Variants in FLI1 observed in about 807,000 individuals in gnomAD.
FLI1 encodes the protein Friend leukemia integration 1 transcription factor.
FLI1 carries 13 observed loss-of-function variants against 53.1 expected under a neutral mutation model. That is an observed-to-expected ratio of 0.24 (90% CI 0.16 to 0.39). The LOEUF (loss-of-function observed/expected upper bound fraction) is 0.39, where lower values mean the gene tolerates loss of function less well. Among genes scored for constraint, FLI1 ranks in the 10% least tolerant of loss-of-function variants. The probability of loss-of-function intolerance (pLI) is 1.00; values close to 1 mark genes in which losing one functional copy is unlikely to be tolerated. For synonymous variants in FLI1, 244 were observed against 236.7 expected (o/e 1.03, Z -0.28); for missense variants, 424 against 600.5 (o/e 0.71, Z 3.07).
intron 1 of FLI1, among the ~76,000 whole-genome samples, chr11:128,751,549 C>T (rs375483133): frequency 7.6e-4 from 116 of 151,752 alleles, no homozygotes; most frequent in South Asian, 6.9e-3. Context: ...TTTTTTGAGA[C>T]GGAGTCTCGC....
chr11:128,761,553 T>A (rs1941123726), intron 2 of FLI1, among the ~76,000 whole-genome samples: 1 of 152,198 alleles, frequency 6.6e-6, no homozygotes, highest in Non-Finnish European at 1.5e-5. Context: ...ATGCTGAGCC[T>A]GAGTTGATGC....
At chr11:128,697,352 G>A (rs908938911) in intron 1 of FLI1, among the ~76,000 whole-genome samples, 5 of 152,198 alleles carry the variant, frequency 3.3e-5, no homozygotes, top group African/African-American at 1.2e-4. Context: ...ATGAACAGTG[G>A]ATTTGGAGTC....
chr11:128,786,065 C>T (rs1171580441), intron 5 of FLI1, among the ~76,000 whole-genome samples: 3 of 152,114 alleles, frequency 2.0e-5, no homozygotes, highest in Non-Finnish European at 2.9e-5. Context: ...TGCCCAAGTG[C>T]CAAAAAATGA....
intron 1 of FLI1, among the ~76,000 whole-genome samples, chr11:128,753,208 C>G (rs1940722384): frequency 6.6e-6 from 1 of 152,198 alleles, no homozygotes; most frequent in African/African-American, 2.4e-5. Flanking sequence ...AATGACTAAG[C>G]CAGCCCAGGG....
intron 1 of FLI1, among the ~76,000 whole-genome samples, chr11:128,712,991 G>A (rs555205172): frequency 2.6e-4 from 39 of 152,304 alleles, no homozygotes; most frequent in South Asian, 2.1e-4. Flanking sequence ...CTGAGGTCTC[G>A]CTAATGAGCA....
At chr11:128,693,992 G>T (rs1046826186), upstream of FLI1, 2 of 255,826 alleles carry the variant, frequency 7.8e-6, no homozygotes, top group Non-Finnish European at 7.0e-6. Context: ...GAGAGAGAGA[G>T]ATAGGACTTC....
At chr11:128,797,904 C>A (rs532718853) in intron 5 of FLI1, among the ~76,000 whole-genome samples, 3 of 152,200 alleles carry the variant, frequency 2.0e-5, no homozygotes, top group African/African-American at 7.2e-5. Context: ...AGACACAAGA[C>A]AACTCACCAG....
intron 1 of FLI1, among the ~76,000 whole-genome samples, chr11:128,755,492 T>A (rs1940824043): frequency 1.3e-5 from 2 of 152,246 alleles, no homozygotes; most frequent in South Asian, 4.1e-4. Context: ...AGTGCGGAGC[T>A]CAAGGAATTT....
In FLI1 at chr11:128,811,272, T is replaced by C. The variant is rs2135926687; in HGVS notation, c.*284T>C. ...GAGTTGCATATTAAGATTACTGGAATGGTTAAGTCATGGTTCTGAGAAAGA... is the reference window on the plus strand; with the variant it reads ...GAGTTGCATATTAAGATTACTGGAACGGTTAAGTCATGGTTCTGAGAAAGA... On this transcript the variant is annotated 3_prime_UTR_variant, in exon 9 of 9. Transcript: ENST00000527786. The C allele has an allele frequency of 2.1e-6, 1 of 481,680 alleles. No homozygotes were observed. Among genetic ancestry groups the C allele is most frequent in the Non-Finnish European group, 3.7e-6 (1 of 270,692 alleles). 29.8% of individuals were successfully genotyped at this position (481,680 alleles called of 1,614,324 possible). A position where few individuals can be genotyped will look rare whatever the true frequency, so the allele number is the denominator to read the frequency against.
intron 3 of FLI1, among the ~76,000 whole-genome samples, chr11:128,771,352 GGGCA>G (rs764645769): frequency 2.0e-5 from 3 of 152,184 alleles, no homozygotes; most frequent in Non-Finnish European, 2.9e-5. Context: ...GGCAGGGCCT[GGGCA>G]CTTTACAAAG....
chr11:128,796,928 T>C (rs190475522), intron 5 of FLI1, among the ~76,000 whole-genome samples: 12 of 152,350 alleles, frequency 7.9e-5, no homozygotes, highest in African/African-American at 2.9e-4. Context: ...TGAGCCGAGA[T>C]TGCGCCATTG....
chr11:128,687,516 T>C (rs1937601447), intron 1 of FLI1, among the ~76,000 whole-genome samples: 1 of 151,910 alleles, frequency 6.6e-6, no homozygotes, highest in Non-Finnish European at 1.5e-5. Context: ...GAGGAAGGAC[T>C]CTCCGCAGTG....
intron 1 of FLI1, among the ~76,000 whole-genome samples, chr11:128,754,879 T>C (rs1940800620): frequency 1.3e-5 from 2 of 152,256 alleles, no homozygotes; most frequent in African/African-American, 4.8e-5. Context: ...TGCCACTTGA[T>C]TGGAGTTTCC....
intron 1 of FLI1, among the ~76,000 whole-genome samples, chr11:128,733,507 A>G (rs1441292972): frequency 6.6e-6 from 1 of 152,196 alleles, no homozygotes; most frequent in Non-Finnish European, 1.5e-5. Flanking sequence ...CTGAGTGAAC[A>G]CGGTCAAGTT....
chr11:128,812,616 C>T lies in FLI1; in HGVS notation c.*1628C>T. ...TTTTTGTGTGTGTTATTTAAATCTT[C>T]CTCCAGCCTAAAAGGGTTTTATAAA... On this transcript the variant is annotated 3_prime_UTR_variant, in exon 9 of 9. Transcript: ENST00000527786. 1 of 223,338 alleles carries T rather than the reference C, an allele frequency of 4.5e-6. No homozygotes were observed. The highest frequency in any genetic ancestry group is 6.5e-5 in the East Asian group (1 of 15,400). The allele number at this position is 223,338 out of a possible 1,614,324, so 13.8% of individuals were successfully genotyped here. A position where few individuals can be genotyped will look rare whatever the true frequency, so the allele number is the denominator to read the frequency against.
At chr11:128,757,152 G>T (rs895018707) in intron 1 of FLI1, among the ~76,000 whole-genome samples, 3 of 143,950 alleles carry the variant, frequency 2.1e-5, no homozygotes, top group African/African-American at 5.2e-5. Context: ...TTGCCACATT[G>T]CCCAGGCTAG....
chr11:128,723,214 C>A (rs1427326666), intron 1 of FLI1, among the ~76,000 whole-genome samples: 1 of 152,122 alleles, frequency 6.6e-6, no homozygotes, highest in Non-Finnish European at 1.5e-5. Flanking sequence ...AACACTCACT[C>A]CATAACAACA....
At position 128,795,598 on chromosome 11, in the gene FLI1, C is replaced by T. The variant is rs947835123; in HGVS notation, c.656-9768C>T. Among the ~76,000 whole-genome samples, 41 of 144,512 alleles carry T rather than the reference C, an allele frequency of 2.8e-4. 1 individual carries two copies. The highest frequency in any genetic ancestry group is 3.5e-4 in the Admixed American group (5 of 14,246). The allele number at this position is 144,512 out of a possible 152,430, so 94.8% of individuals were successfully genotyped here. On this transcript the variant is annotated intron_variant, in intron 5 of 8. Transcript: ENST00000527786. Reference sequence around the variant, plus strand: ...TTTTTGAGACAGAGTCTTGCCCTCTCGCCCAGGCTGGAGTTCAGTGACGCT... The same window carrying T: ...TTTTTGAGACAGAGTCTTGCCCTCTTGCCCAGGCTGGAGTTCAGTGACGCT...
At chr11:128,719,095 C>T (rs776437860) in intron 1 of FLI1, among the ~76,000 whole-genome samples, 13 of 152,092 alleles carry the variant, frequency 8.5e-5, no homozygotes, top group African/African-American at 2.7e-4. Flanking sequence ...CCTGTAATTA[C>T]GGAGCTTTGG....
Sources: gnomAD v4.1 joint callset for allele counts (sites outside exome capture counted in the v4.1 genomes callset) on GRCh38, gnomAD v4.1.1 for gene constraint, MANE v1.5 for transcripts, NCBI Gene and HGNC (gene_info 2026-07-23, HGNC 2026-07-21) for gene names.